The following CTNND2 variants were observed in gnomAD, a reference collection of about 807,000 sequenced individuals.
The protein encoded by CTNND2 is catenin delta-2.
Under a neutral mutation model 144.4 loss-of-function variants are expected in CTNND2, and 22 were observed. That is an observed-to-expected ratio of 0.15 (90% CI 0.11 to 0.22). The LOEUF (loss-of-function observed/expected upper bound fraction) is 0.22, where lower values mean the gene tolerates loss of function less well. Among genes scored for constraint, CTNND2 ranks in the 10% least tolerant of loss-of-function variants. CTNND2 has a pLI of 1.00. For missense variants in CTNND2, 1,353 were observed against 1,618.8 expected (o/e 0.84, Z 2.82); for synonymous variants, 751 against 695.6 (o/e 1.08, Z -1.25).
intron 1 of CTNND2, among the ~76,000 whole-genome samples, chr5:11,894,023 T>C (rs919466335): frequency 1.3e-5 from 2 of 152,132 alleles, no homozygotes; most frequent in African/African-American, 4.8e-5. Context: ...ATAAATTAGA[T>C]TTCTGTAACT....
intron 1 of CTNND2, among the ~76,000 whole-genome samples, chr5:11,757,672 A>G (rs1789027710): frequency 6.6e-6 from 1 of 152,018 alleles, no homozygotes; most frequent in Non-Finnish European, 1.5e-5. Flanking sequence ...TGTAATGTAT[A>G]ATTGTTTTCT....
chr5:11,146,699 ACC>A (rs1400649517), intron 12 of CTNND2, among the ~76,000 whole-genome samples: 77 of 152,176 alleles, frequency 5.1e-4, no homozygotes, highest in African/African-American at 1.8e-3. Flanking sequence ...AATCATAAAA[ACC>A]AAGGGCAACA....
intron 3 of CTNND2, among the ~76,000 whole-genome samples, chr5:11,564,495 C>A (rs554724430): frequency 5.9e-5 from 9 of 152,040 alleles, no homozygotes; most frequent in African/African-American, 1.9e-4. Context: ...GGGAACTGCA[C>A]GTGTGGTTGA....
At chr5:11,270,799 TA>T (rs971874375) in intron 9 of CTNND2, among the ~76,000 whole-genome samples, 1 of 152,094 alleles carries the variant, frequency 6.6e-6, no homozygotes, top group African/African-American at 2.4e-5. Flanking sequence ...AAATAGCAGA[TA>T]AAAAACCTTC....
intron 3 of CTNND2, among the ~76,000 whole-genome samples, chr5:11,453,508 A>G (rs1329419946): frequency 6.6e-6 from 1 of 152,106 alleles, no homozygotes; most frequent in Admixed American, 6.5e-5. Context: ...TTCATTGCTT[A>G]TTGTAAATCA....
chr5:11,800,777 T>C (rs1581906455), intron 1 of CTNND2, among the ~76,000 whole-genome samples: 1 of 152,184 alleles, frequency 6.6e-6, no homozygotes, highest in Non-Finnish European at 1.5e-5. Flanking sequence ...GAAAACCTAA[T>C]CCTTCTCACT....
At chr5:11,618,087 G>A (rs1371137259) in intron 2 of CTNND2, among the ~76,000 whole-genome samples, 1 of 151,000 alleles carries the variant, frequency 6.6e-6, no homozygotes, top group Admixed American at 6.6e-5. Context: ...ACCCTATCAG[G>A]CTTTTTTTTT....
At chr5:11,027,834 C>A (rs1326534478) in intron 16 of CTNND2, among the ~76,000 whole-genome samples, 1 of 152,192 alleles carries the variant, frequency 6.6e-6, no homozygotes, top group Admixed American at 6.5e-5. Flanking sequence ...GCACTCCTTG[C>A]AGACCGCTTG....
chr5:11,026,472 C>A (rs1742849024), intron 16 of CTNND2, among the ~76,000 whole-genome samples: 1 of 150,826 alleles, frequency 6.6e-6, no homozygotes, highest in Admixed American at 6.7e-5. Flanking sequence ...ATTCTTCTGC[C>A]TCAGCCTCCC....
intron 9 of CTNND2, among the ~76,000 whole-genome samples, chr5:11,265,644 T>C (rs1459569276): frequency 6.6e-6 from 1 of 151,834 alleles, no homozygotes; most frequent in Non-Finnish European, 1.5e-5. Context: ...ACATATAGCA[T>C]TAAGTTGTCC....
Position 11,139,423 on chromosome 5 carries a change from C to T in CTNND2, c.2159+20153G>A, listed in dbSNP as rs558889984. Among the ~76,000 whole-genome samples, 76 of 152,310 alleles carry T rather than the reference C, an allele frequency of 5.0e-4. 1 individual carries two copies. Among genetic ancestry groups the T allele is most frequent in the African/African-American group, 1.2e-3 (49 of 41,576 alleles). On this transcript the variant is annotated intron_variant, in intron 12 of 21. Coordinates refer to ENST00000304623, the MANE Select transcript of CTNND2 (RefSeq NM_001332.4). ...CACATTTGTTTTCTCACACCTAGAA[C>T]GGGACCAGCTGATGAATCCCTGTCT...
Position 11,784,671 on chromosome 5 carries a change from G to T in CTNND2, c.38-52399C>A, listed in dbSNP as rs113001541. The stretch of plus-strand genomic sequence containing the variant: ...ATCAAGTGAACTGGTTTTAAAAAGT[G>T]CCTAGAGATGAAAGCCTCAAAGCAG... On this transcript the variant is annotated intron_variant, in intron 1 of 21. Transcript: ENST00000304623. 3.8e-3 allele frequency among the ~76,000 whole-genome samples: 583 copies of T among 152,298 alleles called. 5 individuals carry two copies. The highest frequency in any genetic ancestry group is 0.013 in the African/African-American group (547 of 41,560).
intron 9 of CTNND2, among the ~76,000 whole-genome samples, chr5:11,282,167 T>C (rs1474192316): frequency 1.3e-5 from 2 of 152,110 alleles, no homozygotes; most frequent in Admixed American, 6.6e-5. Flanking sequence ...GACAGGGCCA[T>C]GGGCTGAAAA....
chr5:11,845,336 T>C (rs896646742), intron 1 of CTNND2, among the ~76,000 whole-genome samples: 1 of 152,226 alleles, frequency 6.6e-6, no homozygotes, highest in African/African-American at 2.4e-5. Flanking sequence ...TGGTGGCTGA[T>C]ATGGACTATA....
chr5:11,381,851 C>A (rs1020440925), intron 7 of CTNND2, among the ~76,000 whole-genome samples: 1 of 152,102 alleles, frequency 6.6e-6, no homozygotes, highest in African/African-American at 2.4e-5. Context: ...CCTGTAGCCC[C>A]AGCTGCTCAG....
intron 3 of CTNND2, among the ~76,000 whole-genome samples, chr5:11,452,810 T>C (rs1468922811): frequency 6.6e-6 from 1 of 152,186 alleles, no homozygotes; most frequent in Non-Finnish European, 1.5e-5. Context: ...ATTTTGAAAT[T>C]TGAAATACAC....
chr5:11,113,390 T>C (rs2149688414), intron 13 of CTNND2, among the ~76,000 whole-genome samples: 1 of 152,256 alleles, frequency 6.6e-6, no homozygotes. Context: ...GGCCCATTTG[T>C]TTATGAATGG....
At chr5:11,874,354 A>G (rs1347464706) in intron 1 of CTNND2, among the ~76,000 whole-genome samples, 1 of 152,184 alleles carries the variant, frequency 6.6e-6, no homozygotes, top group Non-Finnish European at 1.5e-5. Context: ...CTCTATATAC[A>G]CTAGGTTTTT....
chr5:10,975,550 T>A (rs1306583331), intron 21 of CTNND2, among the ~76,000 whole-genome samples: 1 of 152,086 alleles, frequency 6.6e-6, no homozygotes, highest in Non-Finnish European at 1.5e-5. Context: ...CTCCAAAACG[T>A]CATAGCTAGT....
Sources: gnomAD v4.1 joint callset for allele counts (sites outside exome capture counted in the v4.1 genomes callset) on GRCh38, gnomAD v4.1.1 for gene constraint, MANE v1.5 for transcripts, NCBI Gene and HGNC (gene_info 2026-07-23, HGNC 2026-07-21) for gene names.